Variants in MMRN1 observed in about 807,000 individuals in gnomAD.
MMRN1 encodes multimerin-1.
In MMRN1, 94 loss-of-function variants were observed where a neutral mutation model predicts 100.7. The observed-to-expected ratio is 0.93, with a 90% confidence interval of 0.79 to 1.11. The LOEUF (loss-of-function observed/expected upper bound fraction) is 1.11. Ranked by LOEUF, MMRN1 falls within the 50% of genes least tolerant of loss-of-function variation. The pLI is 0.00. For synonymous variants in MMRN1, 575 were observed against 505.0 expected (o/e 1.14, Z -1.86); for missense variants, 1,606 against 1,439.1 (o/e 1.12, Z -1.88).
At chr4:89,927,309 T>G (rs1309050065) in intron 4 of MMRN1, among the ~76,000 whole-genome samples, 2 of 152,148 alleles carry the variant, frequency 1.3e-5, no homozygotes, top group Non-Finnish European at 2.9e-5. Flanking sequence ...TGTTTTATAG[T>G]TTTCATTATA....
chr4:89,895,504 C>T lies in MMRN1; in HGVS notation c.533C>T (p.Ala178Val). The T allele has an allele frequency of 1.2e-6, 2 of 1,613,764 alleles. No homozygotes were observed. Among genetic ancestry groups the T allele is most frequent in the Non-Finnish European group, 1.7e-6 (2 of 1,179,890 alleles). ...VGGTGGVGNR[A>V]PRETYLSRGD... is the part of the protein sequence containing the mutation. ...GGCACTGGAGGCGTGGGAAATCGAG[C>T]CCCACGGGAAACATACCTCAGCCGG... is the stretch of plus-strand genomic sequence containing the variant. Residue 178 changes from alanine (A) to valine (V), a missense_variant, in exon 1 of 8, where the codon GCC (alanine) becomes GTC (valine). Transcript: ENST00000264790.
intron 3 of MMRN1, among the ~76,000 whole-genome samples, chr4:89,913,756 A>G (rs1721827823): frequency 6.6e-6 from 1 of 151,290 alleles, no homozygotes; most frequent in Non-Finnish European, 1.5e-5. Flanking sequence ...ATGTCCCAGA[A>G]CAGTTCTGAT....
At chr4:89,912,247 C>T (rs1721777932) in intron 3 of MMRN1, among the ~76,000 whole-genome samples, 197 bp downstream of exon 3, 2 of 151,102 alleles carry the variant, frequency 1.3e-5, no homozygotes, top group African/African-American at 4.8e-5. Flanking sequence ...TTTAACTTCT[C>T]CCCCCATTTT....
At chr4:89,886,606 A>G (rs1720941763) in intron 1 of MMRN1, among the ~76,000 whole-genome samples, 1 of 152,188 alleles carries the variant, frequency 6.6e-6, no homozygotes, top group Non-Finnish European at 1.5e-5. Context: ...TTATGTGAAT[A>G]TCTGTCTACT....
chr4:89,923,145 C>T (rs907184540), intron 3 of MMRN1, 23 bp from the exon 4 acceptor site: 1 of 1,597,980 alleles, frequency 6.3e-7, no homozygotes, highest in Non-Finnish European at 8.6e-7. Context: ...AACTGTCTCT[C>T]TTCTCTTTCT....
chr4:89,916,516 T>C (rs1195353315), intron 3 of MMRN1, among the ~76,000 whole-genome samples: 1 of 151,764 alleles, frequency 6.6e-6, no homozygotes, highest in Admixed American at 6.6e-5. Flanking sequence ...TTCAAATTAG[T>C]GATGTTGAAA....
At chr4:89,929,061 C>G in intron 5 of MMRN1, among the ~76,000 whole-genome samples, 1 of 152,070 alleles carries the variant, frequency 6.6e-6, no homozygotes, top group East Asian at 1.9e-4. Flanking sequence ...GAGAAACCAT[C>G]TCAATTGATG....
intron 3 of MMRN1, among the ~76,000 whole-genome samples, chr4:89,921,676 T>C (rs1369811939): frequency 2.0e-5 from 3 of 152,176 alleles, no homozygotes; most frequent in Admixed American, 2.0e-4. Context: ...CACAGGACTT[T>C]ATAGAATACA....
At chr4:89,893,071 T>G (rs1238143848), upstream of MMRN1, among the ~76,000 whole-genome samples, 1 of 152,054 alleles carries the variant, frequency 6.6e-6, no homozygotes, top group Non-Finnish European at 1.5e-5. Flanking sequence ...ATAAAGACAC[T>G]GTAAAGCCTT....
At chr4:89,912,198 G>T in intron 3 of MMRN1, 148 bp downstream of exon 3, 2 of 470,474 alleles carry the variant, frequency 4.3e-6, no homozygotes, top group Non-Finnish European at 7.2e-6. Flanking sequence ...TTTCTAACTT[G>T]GTAGCTTTTA....
upstream of MMRN1, among the ~76,000 whole-genome samples, chr4:89,893,171 A>T (rs1248733829): frequency 6.6e-6 from 1 of 151,758 alleles, no homozygotes; most frequent in Non-Finnish European, 1.5e-5. Flanking sequence ...CGTTTCCTGG[A>T]TTGTCTCTGC....
At chr4:89,925,562 T>C (rs1722226867) in intron 4 of MMRN1, among the ~76,000 whole-genome samples, 1 of 151,562 alleles carries the variant, frequency 6.6e-6, no homozygotes, top group South Asian at 2.1e-4. Context: ...CTGGGTGTGG[T>C]GGCTCACGCC....
intron 1 of MMRN1, among the ~76,000 whole-genome samples, chr4:89,907,498 G>A (rs1404548254): frequency 6.6e-6 from 1 of 151,348 alleles, no homozygotes; most frequent in Non-Finnish European, 1.5e-5. Context: ...AATTCATTAA[G>A]CTTCTTAGAT....
chr4:89,948,188 A>G (rs1313283725), intron 6 of MMRN1, among the ~76,000 whole-genome samples: 1 of 152,174 alleles, frequency 6.6e-6, no homozygotes, highest in Non-Finnish European at 1.5e-5. Flanking sequence ...AACAAAGTAC[A>G]AATAGCTTCA....
chr4:89,884,794 T>G (rs1162055489), intron 1 of MMRN1, among the ~76,000 whole-genome samples: 1 of 152,118 alleles, frequency 6.6e-6, no homozygotes, highest in Admixed American at 6.6e-5. Context: ...AGAATTTTTA[T>G]GTACACAGAC....
intron 1 of MMRN1, among the ~76,000 whole-genome samples, chr4:89,897,992 A>T (rs1404992514): frequency 2.6e-5 from 4 of 152,176 alleles, no homozygotes; most frequent in African/African-American, 9.6e-5. Flanking sequence ...AACTGCATGT[A>T]GGGATTCTCT....
At chr4:89,906,608 G>A (rs1721573179) in intron 1 of MMRN1, among the ~76,000 whole-genome samples, 1 of 151,568 alleles carries the variant, frequency 6.6e-6, no homozygotes, top group East Asian at 1.9e-4. Context: ...CATTGCATTT[G>A]CCTTTAAACT....
At chr4:89,950,687 G>C (rs1723137383) in intron 6 of MMRN1, among the ~76,000 whole-genome samples, 2 of 151,078 alleles carry the variant, frequency 1.3e-5, no homozygotes, top group South Asian at 4.2e-4. Flanking sequence ...ATTTTTTTCT[G>C]ATCTGTAAGT....
intron 1 of MMRN1, among the ~76,000 whole-genome samples, chr4:89,906,049 CT>C (rs1039341070): frequency 6.6e-6 from 1 of 151,420 alleles, no homozygotes. Flanking sequence ...TTAAAGCCAT[CT>C]TTTTTGCTTC....
Sources: gnomAD v4.1 joint callset for allele counts (sites outside exome capture counted in the v4.1 genomes callset) on GRCh38, gnomAD v4.1.1 for gene constraint, MANE v1.5 for transcripts, NCBI Gene and HGNC (gene_info 2026-07-23, HGNC 2026-07-21) for gene names.